ASAP2: variants seen among roughly 807,000 people sequenced by gnomAD.
ASAP2 encodes ArfGAP with SH3 domain, ankyrin repeat and PH domain 2.
In ASAP2, 45 loss-of-function variants were observed where a neutral mutation model predicts 131.4. That is an observed-to-expected ratio of 0.34 (90% CI 0.27 to 0.44). The LOEUF is 0.44. Among genes scored for constraint, ASAP2 ranks in the 20% least tolerant of loss-of-function variants. The pLI, the probability that ASAP2 is intolerant of heterozygous loss-of-function variation, is 1.00. For synonymous variants in ASAP2, 510 were observed against 503.0 expected (o/e 1.01, Z -0.19); for missense variants, 1,011 against 1,297.0 (o/e 0.78, Z 3.39).
intron 1 of ASAP2, among the ~76,000 whole-genome samples, chr2:9,236,182 G>A (rs1008846992): frequency 6.6e-6 from 1 of 152,058 alleles, no homozygotes; most frequent in African/African-American, 2.4e-5. Flanking sequence ...CTGCTTTGGG[G>A]CCCCTGTTTC....
chr2:9,209,625 A>G (rs918133883), intron 1 of ASAP2, among the ~76,000 whole-genome samples: 6 of 152,244 alleles, frequency 3.9e-5, no homozygotes, highest in African/African-American at 1.4e-4. Flanking sequence ...GCTGGAGTGC[A>G]ATGGCACAAT....
At chr2:9,370,393 A>G (rs1673855026) in intron 16 of ASAP2, among the ~76,000 whole-genome samples, 2 of 152,204 alleles carry the variant, frequency 1.3e-5, no homozygotes, top group African/African-American at 4.8e-5. Context: ...CATTTCCTTG[A>G]GAATTGGATA....
intron 1 of ASAP2, among the ~76,000 whole-genome samples, chr2:9,252,307 G>A (rs765045348): frequency 2.6e-5 from 4 of 152,206 alleles, no homozygotes; most frequent in Admixed American, 6.5e-5. Flanking sequence ...GGGGCTGTGC[G>A]CAGTGGCTCT....
At chr2:9,237,659 A>G (rs1037524430) in intron 1 of ASAP2, among the ~76,000 whole-genome samples, 5 of 151,906 alleles carry the variant, frequency 3.3e-5, no homozygotes, top group South Asian at 4.2e-4. Context: ...GGCTCAAGAG[A>G]TCCTCCTGCC....
At chr2:9,397,301 G>A (rs1178809704) in intron 24 of ASAP2, among the ~76,000 whole-genome samples, 2 of 152,204 alleles carry the variant, frequency 1.3e-5, no homozygotes, top group Non-Finnish European at 2.9e-5. Flanking sequence ...TGTCAGCTGT[G>A]AGGTGCAGGT....
chr2:9,317,995 A>AAC (rs543690305), intron 3 of ASAP2, among the ~76,000 whole-genome samples: 42,038 of 151,962 alleles, frequency 0.28, 6,376 homozygotes, highest in Non-Finnish European at 0.36. Flanking sequence ...CTCCGTCCCC[A>AAC]ACACACACAC....
At chr2:9,306,927 T>C (rs1668981082) in intron 3 of ASAP2, among the ~76,000 whole-genome samples, 1 of 151,988 alleles carries the variant, frequency 6.6e-6, no homozygotes, top group Non-Finnish European at 1.5e-5. Context: ...GCCTGGGGCT[T>C]CTTAGAATTC....
chr2:9,314,581 A>G (rs1438421549), intron 3 of ASAP2, among the ~76,000 whole-genome samples: 1 of 152,212 alleles, frequency 6.6e-6, no homozygotes, highest in Non-Finnish European at 1.5e-5. Context: ...ACCCTTTAGA[A>G]CTTAGTGTGT....
intron 1 of ASAP2, among the ~76,000 whole-genome samples, chr2:9,264,190 C>CAAAAAAAA (rs113543532): frequency 1.9e-4 from 24 of 123,586 alleles, no homozygotes; most frequent in African/African-American, 6.3e-4. Flanking sequence ...GACCCTGTCT[C>CAAAAAAAA]AAAAAAATAA....
chr2:9,251,372 G>C (rs889472054), intron 1 of ASAP2, among the ~76,000 whole-genome samples: 5 of 152,122 alleles, frequency 3.3e-5, no homozygotes, highest in Non-Finnish European at 7.4e-5. Context: ...AGCCTTAGGG[G>C]ACCTGCCCTC....
At chr2:9,331,050 C>A (rs114066379) in intron 7 of ASAP2, among the ~76,000 whole-genome samples, 4 of 152,228 alleles carry the variant, frequency 2.6e-5, no homozygotes, top group Non-Finnish European at 1.5e-5. Context: ...CGTGTTTCCA[C>A]GTGTGGGAGC....
intron 21 of ASAP2, among the ~76,000 whole-genome samples, chr2:9,386,797 C>T (rs766503845): frequency 2.0e-5 from 3 of 152,226 alleles, no homozygotes; most frequent in Non-Finnish European, 2.9e-5. Flanking sequence ...AGAATGTGGT[C>T]AGCAAGGTTG....
Position 9,392,031 on chromosome 2 carries a change from C to T in ASAP2, c.2518+835C>T, listed in dbSNP as rs924040421. Among the ~76,000 whole-genome samples the T allele has an allele frequency of 4.6e-5, 7 of 152,164 alleles. No homozygotes were observed. Among genetic ancestry groups the T allele is most frequent in the African/African-American group, 1.7e-4 (7 of 41,514 alleles). The stretch of plus-strand genomic sequence containing the variant: ...GAGTAGCTGGGATTATTGGTGCAAG[C>T]GTATTTTTTGTAGAGACAGGGTTTT... On this transcript the variant is annotated intron_variant, in intron 23 of 27. Coordinates refer to ENST00000281419, the MANE Select transcript of ASAP2 (RefSeq NM_003887.3). The surrounding 1 kb of genome is among the most constrained non-coding windows in gnomAD (Gnocchi z 4.0).
chr2:9,382,451 G>A (rs2148749434), intron 20 of ASAP2, among the ~76,000 whole-genome samples: 1 of 152,346 alleles, frequency 6.6e-6, no homozygotes, highest in Admixed American at 6.5e-5. Flanking sequence ...CACCCATAGT[G>A]TGTAACGAAT....
In ASAP2 at chr2:9,358,742, G is replaced by T. The variant is rs765085408; in HGVS notation, c.1328-14G>T. ...TTTACTGGAAGCTCAAATCTGCCCT[G>T]TTCTCTTTGGCAGATCCTACATGGC... On this transcript the variant is annotated splice_polypyrimidine_tract_variant and intron_variant, in intron 14 of 27. Transcript: ENST00000281419. The T allele has an allele frequency of 1.2e-6, 2 of 1,610,462 alleles. No individual in the cohort carries two copies. The highest frequency in any genetic ancestry group is 1.1e-5 in the South Asian group (1 of 90,682).
rs559035405 is a variant in ASAP2, at chr2:9,384,171, A to T, written c.2017-1074A>T. Among the ~76,000 whole-genome samples the T allele has an allele frequency of 5.0e-3, 765 of 152,298 alleles. 6 individuals carry two copies. Among genetic ancestry groups the T allele is most frequent in the African/African-American group, 0.018 (742 of 41,550 alleles). ...AGAACTTAAAGTATAATAAAAAAAT[A>T]AATTAATTAAAAAGAAAAGAACAGA... On this transcript the variant is annotated intron_variant, in intron 20 of 27. Coordinates refer to ENST00000281419, the MANE Select transcript of ASAP2 (RefSeq NM_003887.3).
At chr2:9,270,848 A>G (rs1165792848) in intron 1 of ASAP2, among the ~76,000 whole-genome samples, 5 of 119,620 alleles carry the variant, frequency 4.2e-5, no homozygotes, top group Admixed American at 1.1e-4. Context: ...GCTGGAGTGC[A>G]GTGGCGCGAT....
chr2:9,373,352 C>T (rs1244685236), intron 16 of ASAP2, among the ~76,000 whole-genome samples: 5 of 152,242 alleles, frequency 3.3e-5, no homozygotes, highest in African/African-American at 9.6e-5. Context: ...CCTCACGCTG[C>T]GGCGTGTCCA....
In ASAP2 at chr2:9,243,124, T is replaced by G. The variant is rs189928609; in HGVS notation, c.126+35894T>G. 9.8e-5 allele frequency among the ~76,000 whole-genome samples: 15 copies of G among 152,314 alleles called. 1 individual carries two copies. In the East Asian group the frequency reaches 2.7e-3, roughly 27 times the overall value. On this transcript the variant is annotated intron_variant, in intron 1 of 27. Transcript: ENST00000281419. ...TTTTTGTTTTGTTTTGTTTTGTTTT[T>G]TTGAGACGGAGTCTTGCTCTGTCGC...
Sources: gnomAD v4.1 joint callset for allele counts (sites outside exome capture counted in the v4.1 genomes callset) on GRCh38, gnomAD v4.1.1 for gene constraint, Gnocchi (gnomAD v3.1) non-coding constraint, MANE v1.5 for transcripts, NCBI Gene and HGNC (gene_info 2026-07-23, HGNC 2026-07-21) for gene names.